Variants in FAT3 observed in about 807,000 individuals in gnomAD.
The protein encoded by FAT3 is protocadherin Fat 3.
A neutral mutation model predicts 310.2 loss-of-function variants in FAT3; 95 were observed. The ratio of observed to expected loss-of-function variants is 0.31; its 90% CI spans 0.26 to 0.36. FAT3 has a LOEUF of 0.36. Ranked by LOEUF, FAT3 falls within the 10% of genes least tolerant of loss-of-function variation. The probability of loss-of-function intolerance (pLI) is 1.00; values close to 1 mark genes in which losing one functional copy is unlikely to be tolerated. For missense variants in FAT3, 5,408 were observed against 5,715.6 expected (o/e 0.95, Z 1.74); for synonymous variants, 2,314 against 2,192.9 (o/e 1.06, Z -1.54).
rs1440522257 is a variant in FAT3 at position 92,762,170 on chromosome 11, G to A, written c.3984G>A (p.Thr1328=). 16 of 1,605,098 alleles carry A rather than the reference G, an allele frequency of 1.0e-5. No individual in the cohort carries two copies. The highest frequency in any genetic ancestry group is 5.4e-5 in the African/African-American group (4 of 74,516). Residue 1328 remains threonine, a splice_region_variant and synonymous_variant, in exon 5 of 28, where the codon ACG becomes ACA. Transcript: ENST00000525166. ...CAGCAGGCAGTTATGACATCCTAAC[G>A]GTAAGATCTTCCAAACTCCAGCAGC... ...QFTAGSYDIL[T]IKAVDNGRPQ...
chr11:92,736,230 T>C (rs760470174), intron 4 of FAT3, among the ~76,000 whole-genome samples: 1 of 152,140 alleles, frequency 6.6e-6, no homozygotes, highest in Non-Finnish European at 1.5e-5. Context: ...AGCTGCCATT[T>C]GAGAGTCGCC....
chr11:92,808,708 A>G (rs1182597998), intron 12 of FAT3, among the ~76,000 whole-genome samples: 2 of 152,070 alleles, frequency 1.3e-5, no homozygotes, highest in Non-Finnish European at 2.9e-5. Flanking sequence ...GGTGGATCAC[A>G]AAGTCAGGAG....
intron 3 of FAT3, among the ~76,000 whole-genome samples, chr11:92,556,825 C>G (rs928719593): frequency 1.3e-5 from 2 of 152,064 alleles, no homozygotes; most frequent in Admixed American, 6.6e-5. Flanking sequence ...CGAAAATGCT[C>G]CATGATTGCC....
intron 13 of FAT3, among the ~76,000 whole-genome samples, chr11:92,828,116 G>C (rs887257134): frequency 1.3e-5 from 2 of 151,794 alleles, no homozygotes; most frequent in African/African-American, 4.8e-5. Context: ...CAAGTCTTCT[G>C]CTTGGGTTCA....
intron 2 of FAT3, among the ~76,000 whole-genome samples, chr11:92,470,840 A>G (rs1259164575): frequency 6.6e-6 from 1 of 152,188 alleles, no homozygotes; most frequent in African/African-American, 2.4e-5. Flanking sequence ...TCATCCCATT[A>G]TTTTTATATG....
intron 1 of FAT3, among the ~76,000 whole-genome samples, chr11:92,265,213 G>T (rs143040919): frequency 6.6e-6 from 1 of 151,652 alleles, no homozygotes; most frequent in Non-Finnish European, 1.5e-5. Flanking sequence ...CTGTATTTGC[G>T]TGATAGAAAA....
intron 3 of FAT3, among the ~76,000 whole-genome samples, chr11:92,570,152 A>G (rs552867231): frequency 1.3e-5 from 2 of 152,318 alleles, no homozygotes; most frequent in African/African-American, 4.8e-5. Context: ...ATTGGCAAGT[A>G]TGGAAAACTA....
intron 2 of FAT3, among the ~76,000 whole-genome samples, chr11:92,461,360 T>G (rs1951634043): frequency 6.6e-6 from 1 of 152,144 alleles, no homozygotes; most frequent in Non-Finnish European, 1.5e-5. Context: ...GTTAATGGTC[T>G]GGAAGTAATG....
Position 92,834,905 on chromosome 11 carries a change from T to TGG in FAT3, c.9907_9908insGG (p.Leu3303TrpfsTer9). On this transcript the variant is annotated frameshift_variant, in exon 15 of 28. Transcript: ENST00000525166. LOFTEE classifies it high-confidence loss of function. ...TGTCTCTGAAGTCCTGGACTATGAA[T>TGG]TATGCAAAAGGTTTTACCTGGTAGT... is the stretch of plus-strand genomic sequence containing the variant. The TGG allele has an allele frequency of 6.2e-7, 1 of 1,612,646 alleles. No homozygotes were observed. The highest frequency in any genetic ancestry group is 8.5e-7 in the Non-Finnish European group (1 of 1,179,366).
In FAT3 at chr11:92,342,790, C is replaced by T. The variant is rs949259303; in HGVS notation, c.-17-9306C>T. On this transcript the variant is annotated intron_variant, in intron 1 of 27. Transcript: ENST00000525166. ...ATATTTACCCTTTGGTTTCTGTCAGCGAGGCCTACAAGAGAAAAAATGAAA... is the reference window on the plus strand; with the variant it reads ...ATATTTACCCTTTGGTTTCTGTCAGTGAGGCCTACAAGAGAAAAAATGAAA... Among the ~76,000 whole-genome samples the T allele has an allele frequency of 3.3e-5, 5 of 152,006 alleles. No individual in the cohort carries two copies. In the South Asian group the frequency reaches 8.3e-4, roughly 25 times the overall value.
At chr11:92,851,126 C>T (rs1425822035) in intron 19 of FAT3, among the ~76,000 whole-genome samples, 1 of 152,064 alleles carries the variant, frequency 6.6e-6, no homozygotes, top group Admixed American at 6.5e-5. Flanking sequence ...AGTAACAAGC[C>T]CCAGGCTTTA....
intron 13 of FAT3, among the ~76,000 whole-genome samples, chr11:92,823,705 T>A (rs566056808): frequency 2.6e-5 from 4 of 152,180 alleles, no homozygotes; most frequent in Non-Finnish European, 5.9e-5. Context: ...TCTGTGTTTT[T>A]TGACTTCAAA....
Position 92,524,967 on chromosome 11 carries a change from G to A in FAT3, c.3607+19G>A. The stretch of plus-strand genomic sequence containing the variant: ...AAAACAGGTAAGGGAATGCTTATAT[G>A]ACTTCTTTTTAGTTTGTAGTCCAGC... On this transcript the variant is annotated intron_variant, in intron 3 of 27. Coordinates refer to ENST00000525166, the MANE Select transcript of FAT3 (RefSeq NM_001367949.2). 1 of 1,599,312 alleles carries A rather than the reference G, an allele frequency of 6.3e-7. No individual in the cohort carries two copies. Among genetic ancestry groups the A allele is most frequent in the Non-Finnish European group, 8.6e-7 (1 of 1,169,502 alleles).
In FAT3 at chr11:92,801,890, A is replaced by G; in HGVS notation, c.8877A>G (p.Gln2959=). 1 of 1,613,812 alleles carries G rather than the reference A, an allele frequency of 6.2e-7. No individual in the cohort carries two copies. The highest frequency in any genetic ancestry group is 1.1e-5 in the South Asian group (1 of 91,070). The change falls in exon 10 of 28, where the codon CAA becomes CAG. Residue 2959 remains glutamine, a synonymous_variant. Transcript: ENST00000525166. The part of the protein sequence containing the change: ...WDRDTSDVNR[Q]VSYHITGGNP... ...GAGACACATCCGACGTTAATCGCCA[A>G]GTGAGCTACCATATTACAGGTGAGT...
At chr11:92,785,769 C>A (rs1428798520) in intron 7 of FAT3, among the ~76,000 whole-genome samples, 11 of 149,554 alleles carry the variant, frequency 7.4e-5, no homozygotes, top group Non-Finnish European at 2.9e-5. Context: ...GTCAGTTTTC[C>A]TTTATTAACC....
At chr11:92,534,061 A>T (rs576101184) in intron 3 of FAT3, among the ~76,000 whole-genome samples, 1 of 152,358 alleles carries the variant, frequency 6.6e-6, no homozygotes, top group African/African-American at 2.4e-5. Context: ...TGTGGGAAAC[A>T]GTGAATTTTA....
At chr11:92,526,071 C>T (rs904188274) in intron 3 of FAT3, among the ~76,000 whole-genome samples, 1 of 152,096 alleles carries the variant, frequency 6.6e-6, no homozygotes, top group Non-Finnish European at 1.5e-5. Flanking sequence ...TATTGTAAGA[C>T]AAAGAGAGTA....
At position 92,894,616 on chromosome 11, in the gene FAT3, T is replaced by C. The variant is rs1949986513; in HGVS notation, c.*3503T>C. On this transcript the variant is annotated 3_prime_UTR_variant, in exon 28 of 28. Transcript: ENST00000525166. ...CATATAGTAAGCAAGAACTTGGGAGTAATAAAAGGTGAATAAAATGCATGC... is the reference window on the plus strand; with the variant it reads ...CATATAGTAAGCAAGAACTTGGGAGCAATAAAAGGTGAATAAAATGCATGC... 1 of 152,082 alleles carries C rather than the reference T, an allele frequency of 6.6e-6. No homozygotes were observed. Among genetic ancestry groups the C allele is most frequent in the South Asian group, 2.1e-4 (1 of 4,812 alleles). 9.4% of individuals were successfully genotyped at this position (152,082 alleles called of 1,614,324 possible).
intron 3 of FAT3, among the ~76,000 whole-genome samples, chr11:92,546,207 C>T (rs1954612501): frequency 6.6e-6 from 1 of 152,136 alleles, no homozygotes; most frequent in African/African-American, 2.4e-5. Flanking sequence ...GTGATAATAT[C>T]CCGATCTACA....
Sources: gnomAD v4.1 joint callset for allele counts (sites outside exome capture counted in the v4.1 genomes callset) on GRCh38, gnomAD v4.1.1 for gene constraint, MANE v1.5 for transcripts, NCBI Gene and HGNC (gene_info 2026-07-23, HGNC 2026-07-21) for gene names.